Variants in TRABD observed in about 807,000 individuals in gnomAD.
TRABD encodes the protein TraB domain containing.
In TRABD, 23 loss-of-function variants were observed where a neutral mutation model predicts 39.6. That is an observed-to-expected ratio of 0.58 (90% confidence interval 0.42 to 0.82). TRABD has a LOEUF of 0.82. Ranked by LOEUF, TRABD falls within the 40% of genes least tolerant of loss-of-function variation. The probability of loss-of-function intolerance (pLI) is 0.00; values close to 1 mark genes in which losing one functional copy is unlikely to be tolerated. For missense variants in TRABD, 487 were observed against 544.9 expected (o/e 0.89, Z 1.06); for synonymous variants, 243 against 232.1 (o/e 1.05, Z -0.43).
At chr22:50,189,565 GCACT>G (rs2063840296) in intron 1 of TRABD, among the ~76,000 whole-genome samples, 1 of 152,268 alleles carries the variant, frequency 6.6e-6, no homozygotes, top group Non-Finnish European at 1.5e-5. Context: ...GGCAGTGCCA[GCACT>G]GGGGATTTGG....
rs530885167 is a variant in TRABD, at chr22:50,199,526, C to T, written c.*1007C>T. On this transcript the variant is annotated 3_prime_UTR_variant, in exon 10 of 10. Coordinates refer to ENST00000380909, the MANE Select transcript of TRABD (RefSeq NM_001320485.2). ...ATCAAATCAGGTGTGCGTCAGGAGC[C>T]GGCTGTGTCCTTCCTGCCACACTCG... 7.4e-5 allele frequency: 13 copies of T among 175,728 alleles called. No individual in the cohort carries two copies. The highest frequency in any genetic ancestry group is 9.5e-5 in the Non-Finnish European group (8 of 84,040). 10.9% of individuals were successfully genotyped at this position (175,728 alleles called of 1,614,324 possible).
rs1026880729 is a variant in TRABD at position 50,194,221 on chromosome 22, T to A, written c.113-119T>A. Reference sequence around the variant, plus strand: ...AGTGTGACGCTCGTCAGGAGTCTTGTGCTCTGCACCTGTTCAGTTCTCAGA... The same window carrying A: ...AGTGTGACGCTCGTCAGGAGTCTTGAGCTCTGCACCTGTTCAGTTCTCAGA... On this transcript the variant is annotated intron_variant, in intron 3 of 9. Coordinates refer to ENST00000380909, the MANE Select transcript of TRABD (RefSeq NM_001320485.2). 26 of 1,292,796 alleles carry A rather than the reference T, an allele frequency of 2.0e-5. No homozygotes were observed. In the African/African-American group the frequency reaches 3.3e-4, roughly 16 times the overall value. 80.1% of individuals were successfully genotyped at this position (1,292,796 alleles called of 1,614,324 possible).
rs1393935849 is a variant in TRABD at position 50,199,571 on chromosome 22, CTG to C, written c.*1053_*1054del. On this transcript the variant is annotated 3_prime_UTR_variant, in exon 10 of 10. Transcript: ENST00000380909. The stretch of plus-strand genomic sequence containing the variant: ...CACTCGGGGATTCATTCCTTAGAAA[CTG>C]AAATAAATTCTAATTTTGGAAACTC... The C allele has an allele frequency of 1.3e-5, 2 of 157,590 alleles. No individual in the cohort carries two copies. The highest frequency in any genetic ancestry group is 2.4e-5 in the African/African-American group (1 of 41,684). 9.8% of individuals were successfully genotyped at this position (157,590 alleles called of 1,614,324 possible).
At chr22:50,188,574 C>T (rs1246911847) in intron 1 of TRABD, among the ~76,000 whole-genome samples, 4 of 152,224 alleles carry the variant, frequency 2.6e-5, no homozygotes, top group African/African-American at 4.8e-5. Flanking sequence ...AGCTGCGTGG[C>T]GTCTCTTCCA....
chr22:50,195,610 C>A (rs569589418), intron 5 of TRABD, among the ~76,000 whole-genome samples: 4 of 152,018 alleles, frequency 2.6e-5, no homozygotes, highest in Non-Finnish European at 1.5e-5. Flanking sequence ...TTACAGGTGC[C>A]TGCCACCACA....
At chr22:50,195,879 G>A (rs1194761041) in intron 5 of TRABD, among the ~76,000 whole-genome samples, 2 of 151,976 alleles carry the variant, frequency 1.3e-5, no homozygotes, top group East Asian at 1.9e-4. Context: ...GTCCCTAAAC[G>A]TTTGGCGCCT....
At chr22:50,187,542 C>T (rs1365438454) in intron 1 of TRABD, among the ~76,000 whole-genome samples, 1 of 152,208 alleles carries the variant, frequency 6.6e-6, no homozygotes, top group Non-Finnish European at 1.5e-5. Flanking sequence ...CTGGTAACTG[C>T]ATTTGGTGCT....
rs547747456 is a variant in TRABD, at chr22:50,194,138, G to A, written c.113-202G>A. On this transcript the variant is annotated intron_variant, in intron 3 of 9. Coordinates refer to ENST00000380909, the MANE Select transcript of TRABD (RefSeq NM_001320485.2). ...CCTGAGGCCCTGGCTTCTCGAAGCC[G>A]TGCAGCTCACAGAGGTGGTAGCCGG... Among the ~76,000 whole-genome samples the A allele has an allele frequency of 1.1e-4, 17 of 152,346 alleles. 1 individual carries two copies. Among genetic ancestry groups the A allele is most frequent in the South Asian group, 1.0e-3 (5 of 4,834 alleles).
Position 50,197,192 on chromosome 22 carries a change from C to CGGGGGGGGG in TRABD, c.421-49_421-48insGGGGGGGGG. Reference sequence around the variant, plus strand: ...TCCCAGTTCTGCCATTCCCCCAGCGCACCCCCGCACCCGCCCCTCCAGCTG... The same window carrying CGGGGGGGGG: ...TCCCAGTTCTGCCATTCCCCCAGCGCGGGGGGGGGACCCCCGCACCCGCCCCTCCAGCTG... On this transcript the variant is annotated intron_variant, in intron 5 of 9. Transcript: ENST00000380909. The CGGGGGGGGG allele has an allele frequency of 2.6e-6, 4 of 1,562,600 alleles. No individual in the cohort carries two copies. In the African/African-American group the frequency reaches 4.1e-5, roughly 16 times the overall value.
At chr22:50,194,301 G>A in intron 3 of TRABD, 39 bp from the exon 4 acceptor site, 1 of 1,596,084 alleles carries the variant, frequency 6.3e-7, no homozygotes, top group Non-Finnish European at 8.5e-7. Flanking sequence ...CGTCCTTGGG[G>A]TGGGCCCGGC....
intron 7 of TRABD, 60 bp from the exon 8 acceptor site, chr22:50,197,763 A>AGGGCCCCCCCCCCCCCCCCCGG: frequency 9.0e-6 from 13 of 1,439,744 alleles, no homozygotes; most frequent in Non-Finnish European, 1.3e-5. Flanking sequence ...CCACAGTGCC[A>AGGGCCCCCCCCCCCCCCCCCGG]GCCCCACCCC....
intron 1 of TRABD, among the ~76,000 whole-genome samples, chr22:50,189,926 G>A (rs1407307106): frequency 6.6e-6 from 1 of 152,250 alleles, no homozygotes; most frequent in East Asian, 1.9e-4. Flanking sequence ...CAGCATCTGT[G>A]GCTTTTGGGC....
chr22:50,194,469 C>A lies in TRABD; in HGVS notation c.242C>A (p.Ala81Asp). 1 of 1,604,592 alleles carries A rather than the reference C, an allele frequency of 6.2e-7. No individual in the cohort carries two copies. Among genetic ancestry groups the A allele is most frequent in the Non-Finnish European group, 8.5e-7 (1 of 1,175,914 alleles). Residue 81 changes from alanine to aspartate, a missense_variant, in exon 4 of 10, where the codon GCC becomes GAC. This residue lies in a region of TRABD where 358 missense variants were observed against 414.7 expected (regional missense o/e 0.86). Coordinates refer to ENST00000380909, the MANE Select transcript of TRABD (RefSeq NM_001320485.2). ...DGSRVYVVGT[A>D]HFSDDSKRDV... ...AGCAGGGTGTACGTGGTGGGGACAG[C>A]CCACTTCAGCGACGACAGCAAGAGG...
intron 1 of TRABD, among the ~76,000 whole-genome samples, chr22:50,189,275 G>C (rs5771217): frequency 6.6e-6 from 1 of 152,076 alleles, no homozygotes. Context: ...GCAGGTTCCC[G>C]CCTTAAACGG....
rs2064227620 is a variant in TRABD at position 50,198,896 on chromosome 22, T to C, written c.*377T>C. 1 of 570,840 alleles carries C rather than the reference T, an allele frequency of 1.8e-6. No individual in the cohort carries two copies. Among genetic ancestry groups the C allele is most frequent in the Non-Finnish European group, 3.2e-6 (1 of 315,156 alleles). 35.4% of individuals were successfully genotyped at this position (570,840 alleles called of 1,614,324 possible). A position where few individuals can be genotyped will look rare whatever the true frequency, so the allele number is the denominator to read the frequency against. On this transcript the variant is annotated 3_prime_UTR_variant, in exon 10 of 10. Transcript: ENST00000380909. This position sits in a 1 kb window ranked among gnomAD's most constrained non-coding sequence, Gnocchi z 7.9. ...GTCCCTACCTCACTGTGCCTTCCTGTGCTCCGGCCACAGGAGCGTCGGCCC... is the reference window on the plus strand; with the variant it reads ...GTCCCTACCTCACTGTGCCTTCCTGCGCTCCGGCCACAGGAGCGTCGGCCC...
intron 5 of TRABD, among the ~76,000 whole-genome samples, chr22:50,195,670 C>G (rs2064077386): frequency 6.6e-6 from 1 of 151,900 alleles, no homozygotes; most frequent in Admixed American, 6.6e-5. Context: ...CACCATGTTG[C>G]CCAGGTTCAT....
intron 1 of TRABD, among the ~76,000 whole-genome samples, chr22:50,190,403 G>A (rs1230795502): frequency 6.6e-6 from 1 of 152,196 alleles, no homozygotes; most frequent in East Asian, 1.9e-4. Context: ...ACCCTGCCCT[G>A]TCCATGGCCA....
In TRABD at chr22:50,199,025, C is replaced by A; in HGVS notation, c.*506C>A. On this transcript the variant is annotated 3_prime_UTR_variant, in exon 10 of 10. Transcript: ENST00000380909. ...CCCCTGGCATCCTGGCCCTGGCCGCCACCTCCCTGGCACCGTCTGCCTGCA... is the reference window on the plus strand; with the variant it reads ...CCCCTGGCATCCTGGCCCTGGCCGCAACCTCCCTGGCACCGTCTGCCTGCA... 1.5e-6 allele frequency: 1 copy of A among 685,240 alleles called. No homozygotes were observed. The allele number at this position is 685,240 out of a possible 1,614,324, so 42.4% of individuals were successfully genotyped here.
rs565361437 is a variant in TRABD, at chr22:50,198,969, C to T, written c.*450C>T. 3.4e-5 allele frequency: 21 copies of T among 618,562 alleles called. No individual in the cohort carries two copies. In the South Asian group the frequency reaches 4.0e-4, roughly 12 times the overall value. 38.3% of individuals were successfully genotyped at this position (618,562 alleles called of 1,614,324 possible). A position where few individuals can be genotyped will look rare whatever the true frequency, so the allele number is the denominator to read the frequency against. ...AGGGCAGGCGAGACTGGGAAAGGCC[C>T]AGCCCTGGAGCTCCAGCCGACCCCA... On this transcript the variant is annotated 3_prime_UTR_variant, in exon 10 of 10. Coordinates refer to ENST00000380909, the MANE Select transcript of TRABD (RefSeq NM_001320485.2). This position sits in a 1 kb window ranked among gnomAD's most constrained non-coding sequence, Gnocchi z 7.9.
Sources: allele counts gnomAD v4.1 joint callset (sites outside exome capture counted in the v4.1 genomes callset), GRCh38; gene constraint gnomAD v4.1.1; regional missense constraint gnomAD v4.1.1; non-coding constraint Gnocchi (gnomAD v3.1); transcripts MANE v1.5; gene names NCBI Gene and HGNC (gene_info 2026-07-23, HGNC 2026-07-21).